Variants in FSTL5 observed in about 807,000 individuals in gnomAD.
The protein encoded by FSTL5 is follistatin-related protein 5.
A neutral mutation model predicts 89.1 loss-of-function variants in FSTL5; 62 were observed. The observed-to-expected ratio is 0.70, with a 90% CI of 0.57 to 0.86. FSTL5 has a LOEUF of 0.86. FSTL5 is among the 40% of genes least tolerant of loss of function. The probability of loss-of-function intolerance (pLI) is 0.00; values close to 1 mark genes in which losing one functional copy is unlikely to be tolerated. For missense variants in FSTL5, 1,057 were observed against 1,001.6 expected (o/e 1.06, Z -0.75); for synonymous variants, 383 against 346.2 (o/e 1.11, Z -1.18).
At chr4:161,403,408 T>G (rs1731253054) in intron 15 of FSTL5, among the ~76,000 whole-genome samples, 1 of 152,148 alleles carries the variant, frequency 6.6e-6, no homozygotes, top group Non-Finnish European at 1.5e-5. Flanking sequence ...AACTACCAAT[T>G]AATATAGCAG....
intron 5 of FSTL5, among the ~76,000 whole-genome samples, chr4:161,771,542 T>C (rs1741210710): frequency 1.3e-5 from 2 of 152,114 alleles, no homozygotes; most frequent in African/African-American, 2.4e-5. Flanking sequence ...ATCAAAAAGA[T>C]AACTTATAAA....
chr4:161,809,217 T>TCAAAA (rs774797260), intron 4 of FSTL5, among the ~76,000 whole-genome samples: 1 of 152,076 alleles, frequency 6.6e-6, no homozygotes, highest in African/African-American at 2.4e-5. Flanking sequence ...AGACTCCATC[T>TCAAAA]CAAAACAAAA....
intron 2 of FSTL5, among the ~76,000 whole-genome samples, chr4:162,105,712 C>T (rs1731200835): frequency 6.6e-6 from 1 of 151,936 alleles, no homozygotes; most frequent in African/African-American, 2.4e-5. Context: ...TTGGTATAAT[C>T]CTTACTATTT....
intron 8 of FSTL5, among the ~76,000 whole-genome samples, chr4:161,581,547 A>C (rs955922732): frequency 1.3e-5 from 2 of 152,228 alleles, no homozygotes; most frequent in African/African-American, 2.4e-5. Flanking sequence ...TGCAAGAAAG[A>C]AAGCTATTGT....
chr4:161,483,662 T>G (rs1325110310), intron 12 of FSTL5, among the ~76,000 whole-genome samples: 1 of 152,180 alleles, frequency 6.6e-6, no homozygotes, highest in South Asian at 2.1e-4. Flanking sequence ...AGCACTCTTT[T>G]ATTTTCTCAG....
intron 3 of FSTL5, among the ~76,000 whole-genome samples, chr4:161,977,087 A>C (rs1254787346): frequency 6.6e-6 from 1 of 152,170 alleles, no homozygotes; most frequent in Non-Finnish European, 1.5e-5. Flanking sequence ...ATTGTTAAAA[A>C]CTGAGAAGAA....
chr4:162,029,147 GA>G (rs1553992634), intron 3 of FSTL5, among the ~76,000 whole-genome samples: 1 of 37,720 alleles, frequency 2.7e-5, no homozygotes, highest in Non-Finnish European at 5.6e-5. Flanking sequence ...GTACATGAGG[GA>G]GAGAGAGAGA....
chr4:161,485,415 G>C (rs1729642819), intron 12 of FSTL5, among the ~76,000 whole-genome samples: 1 of 152,180 alleles, frequency 6.6e-6, no homozygotes, highest in Non-Finnish European at 1.5e-5. Context: ...GTAACAACCA[G>C]ACACTAATCT....
At chr4:161,858,674 ATAT>A (rs1391152435) in intron 4 of FSTL5, among the ~76,000 whole-genome samples, 1 of 152,144 alleles carries the variant, frequency 6.6e-6, no homozygotes. Flanking sequence ...CATTCTCATT[ATAT>A]TAGCTCTGCA....
At chr4:161,886,217 T>C (rs1447435146) in intron 4 of FSTL5, among the ~76,000 whole-genome samples, 1 of 152,154 alleles carries the variant, frequency 6.6e-6, no homozygotes, top group Non-Finnish European at 1.5e-5. Context: ...TTACAATTCA[T>C]AGAAAAATCA....
At chr4:161,749,764 C>G (rs1393081909) in intron 6 of FSTL5, among the ~76,000 whole-genome samples, 1 of 151,510 alleles carries the variant, frequency 6.6e-6, no homozygotes, top group Non-Finnish European at 1.5e-5. Context: ...TGCACTCCAG[C>G]CTGGGCGACA....
chr4:161,536,141 G>T (rs1048066877), intron 10 of FSTL5, among the ~76,000 whole-genome samples: 1 of 152,016 alleles, frequency 6.6e-6, no homozygotes, highest in African/African-American at 2.4e-5. Flanking sequence ...TGGGTACTAT[G>T]CTCACTACCT....
intron 8 of FSTL5, among the ~76,000 whole-genome samples, chr4:161,556,694 A>C (rs1732403521): frequency 6.6e-6 from 1 of 151,358 alleles, no homozygotes; most frequent in African/African-American, 2.4e-5. Context: ...ATATTAGATA[A>C]TTTTGCTCAG....
chr4:161,514,929 A>T (rs2126506569), intron 10 of FSTL5, among the ~76,000 whole-genome samples: 1 of 152,210 alleles, frequency 6.6e-6, no homozygotes. Context: ...AGCATAATAT[A>T]TTGATGGTTT....
At chr4:162,121,311 T>C (rs534186292) in intron 1 of FSTL5, among the ~76,000 whole-genome samples, 5 of 152,052 alleles carry the variant, frequency 3.3e-5, no homozygotes, top group African/African-American at 4.8e-5. Flanking sequence ...TCAAATCTTA[T>C]ATACTAATAT....
At chr4:161,402,436 G>A (rs6814106) in intron 15 of FSTL5, among the ~76,000 whole-genome samples, 7,209 of 152,128 alleles carry the variant, frequency 0.047, 432 homozygotes, top group East Asian at 0.19. Context: ...TTGAAACAAT[G>A]CCACATTGTG....
chr4:161,527,509 GAA>G (rs1731266035), intron 10 of FSTL5, among the ~76,000 whole-genome samples: 1 of 152,090 alleles, frequency 6.6e-6, no homozygotes, highest in Non-Finnish European at 1.5e-5. Flanking sequence ...CTTCTCAAAA[GAA>G]GACATTTATG....
chr4:161,726,399 G>A, intron 6 of FSTL5, among the ~76,000 whole-genome samples: 1 of 90,516 alleles, frequency 1.1e-5, no homozygotes, highest in East Asian at 3.4e-4. Context: ...GCTAATTTTT[G>A]CATTTTTTAG....
chr4:161,389,176 C>T (rs924059715), intron 15 of FSTL5, among the ~76,000 whole-genome samples: 2 of 152,108 alleles, frequency 1.3e-5, no homozygotes, highest in Non-Finnish European at 2.9e-5. Context: ...TTAATATTTA[C>T]GAGGCTCTCA....
Sources: allele counts gnomAD v4.1 joint callset (sites outside exome capture counted in the v4.1 genomes callset), GRCh38; gene constraint gnomAD v4.1.1; transcripts MANE v1.5; gene names NCBI Gene and HGNC (gene_info 2026-07-23, HGNC 2026-07-21).